LDLRAD4: variants seen among roughly 807,000 people sequenced by gnomAD.
LDLRAD4 encodes low density lipoprotein receptor class A domain containing 4, also known as low-density lipoprotein receptor class A domain-containing protein 4.
A neutral mutation model predicts 17.0 loss-of-function variants in LDLRAD4; 5 were observed. The observed-to-expected ratio is 0.29, with a 90% CI of 0.15 to 0.62. The LOEUF is 0.62. Among genes scored for constraint, LDLRAD4 ranks in the 20% least tolerant of loss-of-function variants. The pLI, the probability that LDLRAD4 is intolerant of heterozygous loss-of-function variation, is 0.84. For missense variants in LDLRAD4, 340 were observed against 424.7 expected (o/e 0.80, Z 1.75); for synonymous variants, 168 against 171.8 (o/e 0.98, Z 0.17).
At chr18:13,554,985 T>C (rs1046468722) in intron 3 of LDLRAD4, among the ~76,000 whole-genome samples, 2 of 152,232 alleles carry the variant, frequency 1.3e-5, no homozygotes, top group African/African-American at 4.8e-5. Flanking sequence ...CACTCTACCC[T>C]GTGGCCCTCC....
At chr18:13,384,587 C>T (rs2085646830) in intron 1 of LDLRAD4, among the ~76,000 whole-genome samples, 1 of 152,164 alleles carries the variant, frequency 6.6e-6, no homozygotes, top group South Asian at 2.1e-4. Flanking sequence ...TTCCTCCTGC[C>T]TCTGGTAATC....
intron 1 of LDLRAD4, among the ~76,000 whole-genome samples, chr18:13,222,158 C>G (rs1002809060): frequency 6.6e-6 from 1 of 152,056 alleles, no homozygotes; most frequent in African/African-American, 2.4e-5. Flanking sequence ...CCTCTGTACC[C>G]CCTTCTCAAC....
At chr18:13,217,900 G>A (rs1435029879), upstream of LDLRAD4, 2 of 151,410 alleles carry the variant, frequency 1.3e-5, no homozygotes, top group Non-Finnish European at 1.5e-5. This position sits in a 1 kb window ranked among gnomAD's most constrained non-coding sequence, Gnocchi z 4.9. Flanking sequence ...GTGGAAGCAG[G>A]GCGGGGAGCG....
chr18:13,601,658 A>AAC (rs1184126385), intron 3 of LDLRAD4, among the ~76,000 whole-genome samples: 2 of 150,526 alleles, frequency 1.3e-5, no homozygotes, highest in African/African-American at 5.0e-5. Context: ...TGTCTGAAAA[A>AAC]AAAAAAAAGA....
At chr18:13,358,750 T>A (rs1599655559) in intron 1 of LDLRAD4, among the ~76,000 whole-genome samples, 1 of 152,200 alleles carries the variant, frequency 6.6e-6, no homozygotes, top group East Asian at 1.9e-4. Context: ...TTTTCTGTAA[T>A]TGATACTTAG....
Position 13,243,613 on chromosome 18 carries a change from C to A in LDLRAD4, c.-467+24625C>A, listed in dbSNP as rs918122002. Among the ~76,000 whole-genome samples the A allele has an allele frequency of 6.0e-5, 9 of 150,850 alleles. 1 individual carries two copies. Among genetic ancestry groups the A allele is most frequent in the Admixed American group, 5.9e-4 (9 of 15,180 alleles). On this transcript the variant is annotated intron_variant, in intron 1 of 5. Coordinates refer to the LDLRAD4 transcript ENST00000399848. ...TCCATCCACCCACCCATCCATCCAC[C>A]ATCCAGCCACCCACGCACCCGCACA... is the stretch of plus-strand genomic sequence containing the variant.
In LDLRAD4 at chr18:13,322,527, T is replaced by C. The variant is rs1278261829; in HGVS notation, c.-383+44339T>C. On this transcript the variant is annotated intron_variant, in intron 1 of 5. Transcript: ENST00000359446. ...ATTGGCCAGGCTGGTCTAAAACTCC[T>C]GACCTCAGGTGATCCACCTGCCTCA... Among the ~76,000 whole-genome samples, 4 of 152,190 alleles carry C rather than the reference T, an allele frequency of 2.6e-5. No homozygotes were observed. In the South Asian group the frequency reaches 8.3e-4, roughly 32 times the overall value.
chr18:13,500,896 T>C (rs753376679), intron 3 of LDLRAD4: 4 of 152,280 alleles, frequency 2.6e-5, no homozygotes, highest in East Asian at 3.9e-4. Context: ...GAAGGAACCA[T>C]TGGCAATCTG....
chr18:13,374,458 C>A (rs1447232272), intron 1 of LDLRAD4, among the ~76,000 whole-genome samples: 1 of 152,244 alleles, frequency 6.6e-6, no homozygotes, highest in Admixed American at 6.5e-5. Context: ...ATCAGCATCC[C>A]CTGGGAGCTG....
At chr18:13,460,115 G>C (rs1467398521) in intron 3 of LDLRAD4, 1 of 153,836 alleles carries the variant, frequency 6.5e-6, no homozygotes, top group African/African-American at 2.4e-5. Flanking sequence ...TGCTTTGCAA[G>C]GATACAGTAT....
chr18:13,281,190 C>T (rs116431634), intron 1 of LDLRAD4, among the ~76,000 whole-genome samples: 2,842 of 152,230 alleles, frequency 0.019, 91 homozygotes, highest in African/African-American at 0.065. Context: ...AATTTGAAAC[C>T]AGCCTGGGCA....
chr18:13,642,096 C>G (rs1315300464), intron 4 of LDLRAD4: 1 of 985,442 alleles, frequency 1.0e-6, no homozygotes, highest in Non-Finnish European at 1.2e-6. Flanking sequence ...GGTCCCTGAG[C>G]CCACCCTTCG....
intron 3 of LDLRAD4, among the ~76,000 whole-genome samples, chr18:13,569,271 C>T (rs1370319124): frequency 1.5e-5 from 2 of 137,700 alleles, no homozygotes; most frequent in Non-Finnish European, 3.1e-5. Context: ...CCCCATCCTG[C>T]AGGCTCAGGG....
chr18:13,297,031 G>T (rs900314294), intron 1 of LDLRAD4, among the ~76,000 whole-genome samples: 1 of 151,146 alleles, frequency 6.6e-6, no homozygotes, highest in Non-Finnish European at 1.5e-5. Context: ...GCGGGTTCTC[G>T]TGGGTTTGCG....
intron 3 of LDLRAD4, among the ~76,000 whole-genome samples, chr18:13,512,167 A>T (rs1447113873): frequency 6.6e-6 from 1 of 152,200 alleles, no homozygotes; most frequent in Non-Finnish European, 1.5e-5. Flanking sequence ...CAGGGTAGAT[A>T]TAGGCTGAGT....
At chr18:13,585,380 C>T (rs369255989) in intron 3 of LDLRAD4, 106 of 152,058 alleles carry the variant, frequency 7.0e-4, no homozygotes, top group African/African-American at 2.5e-3. Flanking sequence ...CTTTGCTAAG[C>T]CATTAATATT....
chr18:13,289,091 G>T (rs1352380029), intron 1 of LDLRAD4, among the ~76,000 whole-genome samples: 1 of 152,180 alleles, frequency 6.6e-6, no homozygotes, highest in Non-Finnish European at 1.5e-5. Context: ...GTTCCTCTTT[G>T]CAACAATTCA....
intron 3 of LDLRAD4, among the ~76,000 whole-genome samples, chr18:13,566,323 G>A (rs947090192): frequency 1.3e-5 from 2 of 151,928 alleles, no homozygotes; most frequent in Non-Finnish European, 2.9e-5. Context: ...TCAGCACAAC[G>A]GGCATGAGTT....
upstream of LDLRAD4, among the ~76,000 whole-genome samples, chr18:13,275,423 C>CA (rs1370650591): frequency 6.6e-6 from 1 of 152,176 alleles, no homozygotes; most frequent in Non-Finnish European, 1.5e-5. Context: ...CAAATATCTT[C>CA]AACCTATTTT....
Sources: allele counts gnomAD v4.1 joint callset (sites outside exome capture counted in the v4.1 genomes callset), GRCh38; gene constraint gnomAD v4.1.1; non-coding constraint Gnocchi (gnomAD v3.1); transcripts MANE v1.5; gene names NCBI Gene and HGNC (gene_info 2026-07-23, HGNC 2026-07-21).